Variants in WWOX observed in about 807,000 individuals in gnomAD.
The protein encoded by WWOX is WW domain-containing oxidoreductase.
A neutral mutation model predicts 46.2 loss-of-function variants in WWOX; 69 were observed. The observed-to-expected ratio is 1.49, with a 90% CI of 1.23 to 1.82. The LOEUF is 1.82. WWOX is among the 40% of genes most tolerant of loss of function. WWOX has a pLI of 0.00. For synonymous variants in WWOX, 359 were observed against 202.6 expected (o/e 1.77, Z -6.56); for missense variants, 919 against 542.6 (o/e 1.69, Z -6.89).
At chr16:78,141,528 G>A (rs1195552843) in intron 4 of WWOX, among the ~76,000 whole-genome samples, 1 of 150,436 alleles carries the variant, frequency 6.6e-6, no homozygotes, top group Non-Finnish European at 1.5e-5. Context: ...TCCTAGCCAG[G>A]CATTTGTGTA....
At chr16:78,784,584 C>T (rs752520148) in intron 8 of WWOX, among the ~76,000 whole-genome samples, 6 of 152,004 alleles carry the variant, frequency 3.9e-5, no homozygotes, top group African/African-American at 9.7e-5. Context: ...TAGGAATTGT[C>T]GCAAAGAGCT....
intron 4 of WWOX, among the ~76,000 whole-genome samples, chr16:78,125,951 A>G (rs1298621715): frequency 6.6e-6 from 1 of 152,194 alleles, no homozygotes; most frequent in Non-Finnish European, 1.5e-5. Context: ...AAATAAAAAT[A>G]AGAATAAAAG....
chr16:79,024,417 C>G (rs1476572660), intron 8 of WWOX, among the ~76,000 whole-genome samples: 1 of 151,996 alleles, frequency 6.6e-6, no homozygotes, highest in African/African-American at 2.4e-5. Flanking sequence ...TGCTACCGTG[C>G]CCAGCTGATT....
intron 8 of WWOX, among the ~76,000 whole-genome samples, chr16:78,871,713 C>A (rs746345032): frequency 2.0e-5 from 3 of 152,210 alleles, no homozygotes; most frequent in Admixed American, 6.5e-5. Context: ...AATTCTCCTG[C>A]CTCAGCCTTC....
chr16:78,433,836 C>A (rs1166366396), intron 8 of WWOX, among the ~76,000 whole-genome samples: 1 of 125,560 alleles, frequency 8.0e-6, no homozygotes, highest in African/African-American at 3.1e-5. Context: ...GTCGCCCAGG[C>A]TGGAGTGCAG....
intron 4 of WWOX, among the ~76,000 whole-genome samples, chr16:78,125,631 G>T (rs1221854586): frequency 6.6e-6 from 1 of 152,104 alleles, no homozygotes; most frequent in Non-Finnish European, 1.5e-5. Flanking sequence ...GGAGGCTGAG[G>T]CAGGAGGATT....
chr16:78,228,924 C>T (rs7187715), intron 5 of WWOX, among the ~76,000 whole-genome samples: 6,158 of 152,170 alleles, frequency 0.04, 345 homozygotes, highest in African/African-American at 0.12. Context: ...GGTGATTATG[C>T]GGAAGGTCAA....
intron 8 of WWOX, among the ~76,000 whole-genome samples, chr16:78,972,651 T>C (rs2046494904): frequency 6.6e-6 from 1 of 152,102 alleles, no homozygotes; most frequent in Non-Finnish European, 1.5e-5. Context: ...TCTGTTTCTG[T>C]TTCAACTGCA....
At chr16:78,968,360 C>A (rs1346407554) in intron 8 of WWOX, among the ~76,000 whole-genome samples, 1 of 152,164 alleles carries the variant, frequency 6.6e-6, no homozygotes, top group Non-Finnish European at 1.5e-5. Flanking sequence ...TGAGCCCTGG[C>A]CATTTTGTGT....
intron 5 of WWOX, chr16:78,167,871 T>C (rs1473933529): frequency 6.6e-6 from 1 of 152,164 alleles, no homozygotes. Context: ...AGGTCCTTCC[T>C]CACCTCACAT....
chr16:78,656,834 G>C (rs1442584960), intron 8 of WWOX, among the ~76,000 whole-genome samples: 1 of 152,142 alleles, frequency 6.6e-6, no homozygotes, highest in Non-Finnish European at 1.5e-5. Flanking sequence ...GTGAGTTCTA[G>C]ACTTGATGTG....
At chr16:78,109,748 A>C in intron 2 of WWOX, 30 bp from the exon 3 acceptor site, 1 of 1,613,722 alleles carries the variant, frequency 6.2e-7, no homozygotes, top group Non-Finnish European at 8.5e-7. Context: ...TCTCCCTGGC[A>C]CCTGTAGACC....
intron 8 of WWOX, among the ~76,000 whole-genome samples, chr16:78,537,461 C>G (rs1048980775): frequency 6.6e-6 from 1 of 152,160 alleles, no homozygotes; most frequent in Non-Finnish European, 1.5e-5. Flanking sequence ...TACCTACTGC[C>G]TTTTAATTTT....
At chr16:78,386,344 G>C (rs151099366) in intron 5 of WWOX, among the ~76,000 whole-genome samples, 2 of 152,118 alleles carry the variant, frequency 1.3e-5, no homozygotes, top group South Asian at 4.1e-4. Flanking sequence ...CTTTGGGATC[G>C]AGGTCCGTCA....
chr16:78,941,784 CAAATA>C (rs2151292844), intron 8 of WWOX, among the ~76,000 whole-genome samples: 1 of 152,238 alleles, frequency 6.6e-6, no homozygotes, highest in Non-Finnish European at 1.5e-5. Flanking sequence ...GTATCATAAT[CAAATA>C]AAAGAAGTAC....
intron 8 of WWOX, among the ~76,000 whole-genome samples, chr16:78,739,550 G>A (rs149617788): frequency 6.6e-5 from 10 of 152,118 alleles, no homozygotes; most frequent in African/African-American, 1.4e-4. Context: ...GGTGGCTCAC[G>A]CCTGTAATCC....
At chr16:78,784,144 C>T (rs2050398575) in intron 8 of WWOX, among the ~76,000 whole-genome samples, 1 of 152,078 alleles carries the variant, frequency 6.6e-6, no homozygotes, top group Admixed American at 6.6e-5. Context: ...TATAACAACC[C>T]TATAAGTCAG....
intron 4 of WWOX, among the ~76,000 whole-genome samples, chr16:78,137,918 A>T (rs778735174): frequency 2.6e-5 from 4 of 150,974 alleles, no homozygotes; most frequent in African/African-American, 9.8e-5. Context: ...AATCTTATCC[A>T]TAGTGTGTGG....
chr16:79,151,538 G>A (rs1205115327), intron 8 of WWOX, among the ~76,000 whole-genome samples: 1 of 152,226 alleles, frequency 6.6e-6, no homozygotes, highest in East Asian at 1.9e-4. Flanking sequence ...AAGACAAACA[G>A]GGCTCCAATT....
Sources: allele counts gnomAD v4.1 joint callset (sites outside exome capture counted in the v4.1 genomes callset), GRCh38; gene constraint gnomAD v4.1.1; transcripts MANE v1.5; gene names NCBI Gene and HGNC (gene_info 2026-07-23, HGNC 2026-07-21).